The following LMBR1 variants were observed in gnomAD, a reference collection of about 807,000 sequenced individuals.
LMBR1 encodes the protein limb region 1 protein homolog.
In LMBR1, 52 loss-of-function variants were observed where a neutral mutation model predicts 73.9. That is an observed-to-expected ratio of 0.70 (90% CI 0.56 to 0.89). LMBR1 has a LOEUF of 0.89. LMBR1 is among the 40% of genes least tolerant of loss of function. LMBR1 has a pLI of 0.00. For missense variants in LMBR1, 539 were observed against 579.8 expected (o/e 0.93, Z 0.72); for synonymous variants, 215 against 209.4 (o/e 1.03, Z -0.23).
chr7:156,740,325 G>A (rs1818669631), intron 9 of LMBR1, among the ~76,000 whole-genome samples: 2 of 152,138 alleles, frequency 1.3e-5, no homozygotes, highest in Non-Finnish European at 2.9e-5. Flanking sequence ...GAGAGAGGTA[G>A]GAAGTTTATT....
chr7:156,707,966 G>C (rs1811307793), intron 15 of LMBR1, among the ~76,000 whole-genome samples: 1 of 151,338 alleles, frequency 6.6e-6, no homozygotes, highest in Non-Finnish European at 1.5e-5. Context: ...AAAAGCTCTT[G>C]GATTTGATAA....
intron 1 of LMBR1, among the ~76,000 whole-genome samples, chr7:156,840,487 G>A (rs149565340): frequency 1.8e-3 from 277 of 152,092 alleles, no homozygotes; most frequent in Middle Eastern, 0.014. Context: ...AACAATGAGT[G>A]GGCAGAAGTA....
intron 5 of LMBR1, among the ~76,000 whole-genome samples, chr7:156,794,608 A>G (rs942639537): frequency 3.9e-5 from 6 of 152,200 alleles, no homozygotes; most frequent in Non-Finnish European, 8.8e-5. Context: ...CAATCTATTC[A>G]ACTAGATTGT....
chr7:156,794,537 G>C (rs1312787675), intron 5 of LMBR1, among the ~76,000 whole-genome samples: 1 of 152,066 alleles, frequency 6.6e-6, no homozygotes, highest in Non-Finnish European at 1.5e-5. Context: ...TTCACAAGAA[G>C]GGAAGAAAAT....
intron 1 of LMBR1, among the ~76,000 whole-genome samples, chr7:156,870,730 C>T (rs1799153638): frequency 6.6e-6 from 1 of 150,754 alleles, no homozygotes; most frequent in South Asian, 2.1e-4. Context: ...GCGGCACAAC[C>T]TGGGCGACAG....
At chr7:156,792,961 G>C (rs1175550910) in intron 5 of LMBR1, among the ~76,000 whole-genome samples, 3 of 151,610 alleles carry the variant, frequency 2.0e-5, no homozygotes, top group Non-Finnish European at 4.4e-5. Context: ...TTACAAGTTT[G>C]TCATTGCTCA....
intron 15 of LMBR1, among the ~76,000 whole-genome samples, chr7:156,697,613 C>A (rs1489758846): frequency 1.3e-5 from 2 of 152,134 alleles, no homozygotes; most frequent in Non-Finnish European, 2.9e-5. Context: ...CGATATCTTC[C>A]CTATTTGCAT....
At chr7:156,869,053 A>T (rs953147083) in intron 1 of LMBR1, among the ~76,000 whole-genome samples, 1 of 152,236 alleles carries the variant, frequency 6.6e-6, no homozygotes. Context: ...ACAGTGTAAA[A>T]TCAGAACATA....
At chr7:156,675,842 A>C, downstream of LMBR1, 1 of 1,613,926 alleles carries the variant, frequency 6.2e-7, no homozygotes, top group Non-Finnish European at 8.5e-7. Flanking sequence ...CAGAAGAGGA[A>C]TGGGAGAAAA....
chr7:156,754,996 A>C (rs1397812256), intron 9 of LMBR1, among the ~76,000 whole-genome samples: 1 of 152,234 alleles, frequency 6.6e-6, no homozygotes, highest in African/African-American at 2.4e-5. Flanking sequence ...GTTTCACTGA[A>C]AAGATTTTAG....
chr7:156,875,450 A>G (rs1800018548), intron 1 of LMBR1, among the ~76,000 whole-genome samples: 2 of 152,358 alleles, frequency 1.3e-5, no homozygotes, highest in South Asian at 4.1e-4. Context: ...AGACGTCCAA[A>G]TACAAGAAGC....
intron 5 of LMBR1, among the ~76,000 whole-genome samples, chr7:156,780,796 G>T (rs1047531589): frequency 6.6e-6 from 1 of 152,164 alleles, no homozygotes; most frequent in Non-Finnish European, 1.5e-5. Flanking sequence ...ATTCAGGTCT[G>T]TCAGCCCTCA....
downstream of LMBR1, among the ~76,000 whole-genome samples, chr7:156,673,479 C>T (rs983831659): frequency 3.3e-5 from 5 of 152,270 alleles, no homozygotes; most frequent in Admixed American, 6.5e-5. Context: ...GTTACCGATT[C>T]AAGACCCTAA....
At chr7:156,750,283 CGT>C (rs1023252008) in intron 9 of LMBR1, among the ~76,000 whole-genome samples, 2 of 146,528 alleles carry the variant, frequency 1.4e-5, no homozygotes, top group East Asian at 2.0e-4. Flanking sequence ...GTTAAGTGTG[CGT>C]GTGTGTGTGT....
intron 1 of LMBR1, among the ~76,000 whole-genome samples, chr7:156,873,309 G>C (rs1799614579): frequency 6.6e-6 from 1 of 152,040 alleles, no homozygotes; most frequent in Admixed American, 6.6e-5. Context: ...ATTCCTCCCG[G>C]TGGGCTCCTG....
At chr7:156,703,728 AT>A (rs1051633400) in intron 15 of LMBR1, among the ~76,000 whole-genome samples, 4 of 152,034 alleles carry the variant, frequency 2.6e-5, no homozygotes, top group Admixed American at 6.5e-5. Flanking sequence ...TACAATCACC[AT>A]GGGGGACCTG....
chr7:156,809,383 G>C (rs757995628), intron 4 of LMBR1, among the ~76,000 whole-genome samples: 4 of 152,114 alleles, frequency 2.6e-5, no homozygotes, highest in Non-Finnish European at 4.4e-5. Flanking sequence ...GTAGGGGATT[G>C]GTTCCAAGAC....
At chr7:156,817,857 T>C (rs1357198374) in intron 4 of LMBR1, among the ~76,000 whole-genome samples, 1 of 152,206 alleles carries the variant, frequency 6.6e-6, no homozygotes, top group Non-Finnish European at 1.5e-5. Flanking sequence ...ATGGGCTTTT[T>C]TCTGGTATCT....
At chr7:156,710,815 T>A (rs576861045) in intron 15 of LMBR1, among the ~76,000 whole-genome samples, 27 of 152,292 alleles carry the variant, frequency 1.8e-4, no homozygotes, top group African/African-American at 6.5e-4. Flanking sequence ...AGATTAACCG[T>A]AAATTTTTCA....
Sources: gnomAD v4.1 joint callset for allele counts (sites outside exome capture counted in the v4.1 genomes callset) on GRCh38, gnomAD v4.1.1 for gene constraint, MANE v1.5 for transcripts, NCBI Gene and HGNC (gene_info 2026-07-23, HGNC 2026-07-21) for gene names.